The following PRKCZ variants were observed in gnomAD, a reference collection of about 807,000 sequenced individuals.
PRKCZ encodes protein kinase C zeta.
PRKCZ carries 33 observed loss-of-function variants against 79.5 expected under a neutral mutation model. That is an observed-to-expected ratio of 0.41 (90% confidence interval 0.31 to 0.55). The LOEUF (loss-of-function observed/expected upper bound fraction) is 0.55, where lower values mean the gene tolerates loss of function less well. Among genes scored for constraint, PRKCZ ranks in the 20% least tolerant of loss-of-function variants. The probability of loss-of-function intolerance (pLI) is 0.19; values close to 1 mark genes in which losing one functional copy is unlikely to be tolerated. For synonymous variants in PRKCZ, 342 were observed against 320.9 expected (o/e 1.07, Z -0.70); for missense variants, 578 against 813.5 (o/e 0.71, Z 3.52).
chr1:2,081,670 G>A (rs1277324677), intron 4 of PRKCZ, among the ~76,000 whole-genome samples: 8 of 152,174 alleles, frequency 5.3e-5, no homozygotes, highest in Non-Finnish European at 1.2e-4. Flanking sequence ...CTGCGGTTGG[G>A]GGACTGACCC....
At chr1:2,058,002 G>C (rs914841484) in intron 3 of PRKCZ, among the ~76,000 whole-genome samples, 1 of 152,204 alleles carries the variant, frequency 6.6e-6, no homozygotes, top group African/African-American at 2.4e-5. Context: ...CAAGTAGCTG[G>C]GACTACAGGC....
intron 4 of PRKCZ, among the ~76,000 whole-genome samples, chr1:2,095,598 G>A (rs1666315982): frequency 6.6e-6 from 1 of 152,052 alleles, no homozygotes; most frequent in Non-Finnish European, 1.5e-5. Flanking sequence ...TCCTGCATGG[G>A]TGGTGCCGGC....
At chr1:2,085,006 TAAAAA>T (rs1158812575) in intron 4 of PRKCZ, among the ~76,000 whole-genome samples, 2 of 145,724 alleles carry the variant, frequency 1.4e-5, no homozygotes, top group South Asian at 2.2e-4. Flanking sequence ...GAGACCCTCT[TAAAAA>T]AAGAAAAAAA....
At chr1:2,144,052 T>G in intron 5 of PRKCZ, 158 bp from the exon 6 acceptor site, 1 of 1,072,704 alleles carries the variant, frequency 9.3e-7, no homozygotes, top group South Asian at 1.7e-5. Context: ...CTCTCAAGCT[T>G]GGGCAAGCCT....
intron 4 of PRKCZ, among the ~76,000 whole-genome samples, chr1:2,078,847 T>A (rs1463754983): frequency 1.3e-5 from 2 of 149,546 alleles, no homozygotes; most frequent in African/African-American, 4.9e-5. Context: ...AAGGTGGCTT[T>A]TTTTTTTTTT....
intron 10 of PRKCZ, chr1:2,156,613 G>A (rs1221062711): frequency 6.2e-6 from 1 of 161,830 alleles, no homozygotes; most frequent in African/African-American, 2.4e-5. Flanking sequence ...TCGATGATTG[G>A]CTAGGAGGAC....
At position 2,125,969 on chromosome 1, in the gene PRKCZ, C is replaced by G. The variant is rs1355390139; in HGVS notation, c.335-9293C>G. On this transcript the variant is annotated intron_variant, in intron 4 of 17. Coordinates refer to ENST00000378567, the MANE Select transcript of PRKCZ (RefSeq NM_002744.6). This position sits in a 1 kb window ranked among gnomAD's most constrained non-coding sequence, Gnocchi z 4.2. ...GCCACTGTGGGAGAGAGTCGGGCAG[C>G]TGAATTCCCGCAGGTGGGAATGCCA... Among the ~76,000 whole-genome samples, 1 of 152,196 alleles carries G rather than the reference C, an allele frequency of 6.6e-6. No individual in the cohort carries two copies. Among genetic ancestry groups the G allele is most frequent in the African/African-American group, 2.4e-5 (1 of 41,452 alleles).
intron 4 of PRKCZ, among the ~76,000 whole-genome samples, chr1:2,080,264 G>A (rs982284422): frequency 1.5e-5 from 2 of 133,664 alleles, no homozygotes; most frequent in South Asian, 2.1e-4. Context: ...TCGTGATGAC[G>A]CTTTCTGAAG....
chr1:2,124,455 T>C (rs1278132627), intron 4 of PRKCZ, among the ~76,000 whole-genome samples: 1 of 151,954 alleles, frequency 6.6e-6, no homozygotes, highest in South Asian at 2.1e-4. Flanking sequence ...ATTTGTGCCC[T>C]TTATAGGATG....
At chr1:2,134,107 T>G (rs1675648908) in intron 4 of PRKCZ, 1 of 151,562 alleles carries the variant, frequency 6.6e-6, no homozygotes, top group Non-Finnish European at 1.5e-5. Flanking sequence ...ACCAGGCCTC[T>G]GTCAAACCCC....
upstream of PRKCZ, chr1:2,049,337 A>C (rs1659465028): frequency 6.6e-6 from 1 of 152,218 alleles, no homozygotes; most frequent in Non-Finnish European, 1.5e-5. Context: ...GGGAGGGGCA[A>C]ACGGTGTTTA....
rs1281508008 is a variant in PRKCZ, at chr1:2,174,074, T to C, written c.1405+58T>C. ...CCTGCACGACTGTCTTCCTTCCTTT[T>C]CAAAGGTGCAGGTGGAGGGGTCCCG... is the stretch of plus-strand genomic sequence containing the variant. On this transcript the variant is annotated intron_variant, in intron 14 of 17. Transcript: ENST00000378567. The surrounding 1 kb of genome is among the most constrained non-coding windows in gnomAD (Gnocchi z 6.2). 4 of 1,518,338 alleles carry C rather than the reference T, an allele frequency of 2.6e-6. No individual in the cohort carries two copies. The highest frequency in any genetic ancestry group is 1.4e-5 in the African/African-American group (1 of 71,486). 94.1% of individuals were successfully genotyped at this position (1,518,338 alleles called of 1,614,324 possible). A position where few individuals can be genotyped will look rare whatever the true frequency, so the allele number is the denominator to read the frequency against.
chr1:2,080,990 C>T (rs1348521420), intron 4 of PRKCZ, among the ~76,000 whole-genome samples: 1 of 152,212 alleles, frequency 6.6e-6, no homozygotes, highest in Non-Finnish European at 1.5e-5. Flanking sequence ...GGTCCACACC[C>T]TCCACGCAGC....
intron 10 of PRKCZ, among the ~76,000 whole-genome samples, chr1:2,166,463 C>T (rs1238322801): frequency 2.0e-5 from 3 of 152,168 alleles, no homozygotes; most frequent in East Asian, 1.9e-4. Flanking sequence ...TCCCGCCTCC[C>T]GCCTCCCATC....
intron 1 of PRKCZ, among the ~76,000 whole-genome samples, chr1:2,052,423 C>T (rs1659761548): frequency 6.6e-6 from 1 of 151,238 alleles, no homozygotes; most frequent in Admixed American, 6.6e-5. Context: ...TCTCTCCCCA[C>T]CCCTTCCTCT....
rs574128657 is a variant in PRKCZ at position 2,144,450 on chromosome 1, C to T, written c.552+109C>T. ...TGACCCTGGGTTCTTCAAGAGGGGC[C>T]GTGGTGCCGTCCTAGCTCTGGGCTG... On this transcript the variant is annotated intron_variant, in intron 6 of 17. Transcript: ENST00000378567. 188 of 1,488,112 alleles carry T rather than the reference C, an allele frequency of 1.3e-4. No homozygotes were observed. In the African/African-American group the frequency reaches 1.8e-3, roughly 14 times the overall value. 92.2% of individuals were successfully genotyped at this position (1,488,112 alleles called of 1,614,324 possible).
chr1:2,144,203 C>A lies in PRKCZ; in HGVS notation c.421-7C>A. 6.4e-7 allele frequency: 1 copy of A among 1,551,632 alleles called. No individual in the cohort carries two copies. Among genetic ancestry groups the A allele is most frequent in the Non-Finnish European group, 8.7e-7 (1 of 1,146,946 alleles). Reference sequence around the variant, plus strand: ...GCCTGGGCCTGACGCTCTGTTCCCACCTGCAGAGAGCGTACTGCGGTCAGT... The same window carrying A: ...GCCTGGGCCTGACGCTCTGTTCCCAACTGCAGAGAGCGTACTGCGGTCAGT... On this transcript the variant is annotated splice_region_variant and splice_polypyrimidine_tract_variant and intron_variant, in intron 5 of 17. Transcript: ENST00000378567.
Position 2,082,167 on chromosome 1 carries a change from C to T in PRKCZ, c.334+22576C>T, listed in dbSNP as rs1371777156. 8 of 347,020 alleles carry T rather than the reference C, an allele frequency of 2.3e-5. No homozygotes were observed. The highest frequency in any genetic ancestry group is 4.3e-5 in the African/African-American group (2 of 46,466). 21.5% of individuals were successfully genotyped at this position (347,020 alleles called of 1,614,324 possible). Reference sequence around the variant, plus strand: ...GGTCAGGGGTGCTGGACGCGTCAGACGGGTTCTTTGCAGCCCTTGGCAGCG... The same window carrying T: ...GGTCAGGGGTGCTGGACGCGTCAGATGGGTTCTTTGCAGCCCTTGGCAGCG... On this transcript the variant is annotated intron_variant, in intron 4 of 17. Coordinates refer to ENST00000378567, the MANE Select transcript of PRKCZ (RefSeq NM_002744.6). This position sits in a 1 kb window ranked among gnomAD's most constrained non-coding sequence, Gnocchi z 4.4.
At chr1:2,053,115 C>A (rs1571067155) in intron 1 of PRKCZ, among the ~76,000 whole-genome samples, 1 of 144,582 alleles carries the variant, frequency 6.9e-6, no homozygotes, top group Non-Finnish European at 1.5e-5. Flanking sequence ...TCAGCTCAGA[C>A]TTTTTTTTTT....
Sources: allele counts gnomAD v4.1 joint callset (sites outside exome capture counted in the v4.1 genomes callset), GRCh38; gene constraint gnomAD v4.1.1; non-coding constraint Gnocchi (gnomAD v3.1); transcripts MANE v1.5; gene names NCBI Gene and HGNC (gene_info 2026-07-23, HGNC 2026-07-21).